Variants in SNRNP200 observed in about 807,000 individuals in gnomAD.
The protein encoded by SNRNP200 is small nuclear ribonucleoprotein U5 subunit 200, also known as U5 small nuclear ribonucleoprotein 200 kDa helicase.
In SNRNP200, 66 loss-of-function variants were observed where a neutral mutation model predicts 255.2. The ratio of observed to expected loss-of-function variants is 0.26; its 90% CI spans 0.21 to 0.32. SNRNP200 has a LOEUF of 0.32. Ranked by LOEUF, SNRNP200 falls within the 10% of genes least tolerant of loss-of-function variation. The pLI, the probability that SNRNP200 is intolerant of heterozygous loss-of-function variation, is 1.00. For synonymous variants in SNRNP200, 939 were observed against 1,027.8 expected (o/e 0.91, Z 1.65); for missense variants, 1,585 against 2,749.8 (o/e 0.58, Z 9.47).
Position 96,274,998 on chromosome 2 carries a change from A to G in SNRNP200, c.*14T>C. ...GCTCAACTCTCCTTTACCCAAAAGT[A>G]AATGCCTCAGGACTCAATCTGAATC... On this transcript the variant is annotated 3_prime_UTR_variant, in exon 45 of 45. Transcript: ENST00000323853. 1 of 1,613,576 alleles carries G rather than the reference A, an allele frequency of 6.2e-7. No homozygotes were observed. The highest frequency in any genetic ancestry group is 8.5e-7 in the Non-Finnish European group (1 of 1,179,976).
At chr2:96,300,100 G>A (rs1215888588) in intron 5 of SNRNP200, among the ~76,000 whole-genome samples, 4 of 152,074 alleles carry the variant, frequency 2.6e-5, no homozygotes, top group African/African-American at 4.8e-5. Flanking sequence ...CTCCCCGTGC[G>A]ACCCCTTCTT....
Position 96,286,681 on chromosome 2 carries a change from C to G in SNRNP200, c.3829+7G>C. On this transcript the variant is annotated splice_region_variant and intron_variant, in intron 28 of 44. Transcript: ENST00000323853. This position sits in a 1 kb window ranked among gnomAD's most constrained non-coding sequence, Gnocchi z 4.8. ...GTTCCTGGGGACTCTGGAGAGGAGA[C>G]ACTCACAGAGCCAGCGGTCAGACAC... The G allele has an allele frequency of 6.2e-7, 1 of 1,613,040 alleles. No homozygotes were observed. Among genetic ancestry groups the G allele is most frequent in the Non-Finnish European group, 8.5e-7 (1 of 1,179,918 alleles).
At position 96,287,896 on chromosome 2, in the gene SNRNP200, G is replaced by T. The variant is rs2063853169; in HGVS notation, c.3332C>A (p.Thr1111Asn). Residue 1111 changes from threonine (T) to asparagine (N), a missense_variant, in exon 25 of 45, where the codon ACC becomes AAC. By Grantham distance (65) the Thr-to-Asn change is moderately conservative. Transcript: ENST00000323853. The surrounding 1 kb of genome is among the most constrained non-coding windows in gnomAD (Gnocchi z 5.7). ...GTCGATCATCTTGCAGAGGTTCAGG[G>T]TCTTGTCTGTAAGCTGTGCCCAACC... ...NRGWAQLTDKTLNLCKMIDKR... is the reference protein window; with the variant it reads ...NRGWAQLTDKNLNLCKMIDKR... 6.2e-7 allele frequency: 1 copy of T among 1,614,088 alleles called. No individual in the cohort carries two copies. Among genetic ancestry groups the T allele is most frequent in the Admixed American group, 1.7e-5 (1 of 60,002 alleles).
intron 23 of SNRNP200, 41 bp from the exon 24 acceptor site, chr2:96,288,787 G>C: frequency 6.5e-7 from 1 of 1,530,612 alleles, no homozygotes; most frequent in Non-Finnish European, 9.1e-7. Flanking sequence ...ACCAATCACT[G>C]AACAGTCCAA....
rs1224886249 is a variant in SNRNP200, at chr2:96,287,161, C to G, written c.3485-1G>C. ...ATCTTTGGCATGCGGATAAGCTCCCCTACAAGGAAATGAGAGTACTGAGGC... is the reference window on the plus strand; with the variant it reads ...ATCTTTGGCATGCGGATAAGCTCCCGTACAAGGAAATGAGAGTACTGAGGC... On this transcript the variant is annotated splice_acceptor_variant, in intron 26 of 44. Coordinates refer to ENST00000323853, the MANE Select transcript of SNRNP200 (RefSeq NM_014014.5). LOFTEE classifies it high-confidence loss of function. This position sits in a 1 kb window ranked among gnomAD's most constrained non-coding sequence, Gnocchi z 5.7. 6.2e-7 allele frequency: 1 copy of G among 1,614,210 alleles called. No homozygotes were observed.
At chr2:96,276,319 T>A (rs1299666376) in intron 43 of SNRNP200, 1 of 155,902 alleles carries the variant, frequency 6.4e-6, no homozygotes, top group Non-Finnish European at 1.4e-5. Context: ...AAAGCCCAAG[T>A]GTCCTGCAGC....
Position 96,275,134 on chromosome 2 carries a change from G to C in SNRNP200, c.6289C>G (p.Pro2097Ala). ...KAKVKLDFVAPATGAHNYTLY... is the reference protein window; with the variant it reads ...KAKVKLDFVAAATGAHNYTLY... ...GTGTAGTTGTGGGCACCAGTGGCTGGGGCCACAAAGTCCAACTTCACCTAG... is the reference window on the plus strand; with the variant it reads ...GTGTAGTTGTGGGCACCAGTGGCTGCGGCCACAAAGTCCAACTTCACCTAG... The change falls in exon 45 of 45, where the codon CCA (proline) becomes GCA (alanine). Residue 2097 changes from proline (P) to alanine (A), a missense_variant. By Grantham distance (27) the Pro-to-Ala change is conservative. Coordinates refer to ENST00000323853, the MANE Select transcript of SNRNP200 (RefSeq NM_014014.5). 1 of 1,614,186 alleles carries C rather than the reference G, an allele frequency of 6.2e-7. No individual in the cohort carries two copies. Among genetic ancestry groups the C allele is most frequent in the Non-Finnish European group, 8.5e-7 (1 of 1,180,040 alleles).
chr2:96,293,167 G>T lies in SNRNP200; in HGVS notation c.2037-72C>A. ...GTGGGAATAAACAGTCTTTTTCACT[G>T]CCCCAAGAGCAATATTCCTCCTTTA... On this transcript the variant is annotated intron_variant, in intron 15 of 44. Coordinates refer to ENST00000323853, the MANE Select transcript of SNRNP200 (RefSeq NM_014014.5). 2.5e-6 allele frequency: 4 copies of T among 1,597,350 alleles called. No individual in the cohort carries two copies. The South Asian group carries it at 4.4e-5, about 18-fold the overall frequency.
intron 36 of SNRNP200, 50 bp downstream of exon 36, chr2:96,279,401 A>C: frequency 8.6e-7 from 1 of 1,159,958 alleles, no homozygotes. Context: ...AGATTAAAGA[A>C]TCCATTCTGA....
At chr2:96,284,743 CT>C (rs2063832503) in intron 30 of SNRNP200, 158 bp from the exon 31 acceptor site, 1 of 617,282 alleles carries the variant, frequency 1.6e-6, no homozygotes. Context: ...GATGGGGCAG[CT>C]TTTTCTTTTT....
chr2:96,300,937 G>C, intron 5 of SNRNP200, 61 bp downstream of exon 5: 2 of 1,363,146 alleles, frequency 1.5e-6, no homozygotes, highest in Non-Finnish European at 2.1e-6. Flanking sequence ...ACACTAGAAG[G>C]GGTCCCTTTA....
At chr2:96,293,604 T>C (rs2063898609) in intron 14 of SNRNP200, 95 bp from the exon 15 acceptor site, 2 of 1,182,412 alleles carry the variant, frequency 1.7e-6, no homozygotes, top group East Asian at 2.3e-5. Flanking sequence ...TAACCTAATA[T>C]GCCTAAGAAA....
At chr2:96,281,981 A>C in intron 34 of SNRNP200, 59 bp from the exon 35 acceptor site, 2 of 1,325,114 alleles carry the variant, frequency 1.5e-6, no homozygotes, top group South Asian at 1.2e-5. Flanking sequence ...AAGTAGGCTC[A>C]CTGCCTCATG....
rs1292119110 is a variant in SNRNP200 at position 96,298,225 on chromosome 2, G to A, written c.1119+59C>T. 5 of 1,610,024 alleles carry A rather than the reference G, an allele frequency of 3.1e-6. No homozygotes were observed. In the South Asian group the frequency reaches 3.3e-5, roughly 11 times the overall value. On this transcript the variant is annotated intron_variant, in intron 9 of 44. Transcript: ENST00000323853. The stretch of plus-strand genomic sequence containing the variant: ...TTTAACATGAATTTAGCTTCATGCT[G>A]CAATCTTCTAGCCACCGTTAGCTCA...
chr2:96,299,274 G>A (rs781593018), intron 6 of SNRNP200, 55 bp downstream of exon 6: 2 of 1,492,674 alleles, frequency 1.3e-6, no homozygotes, highest in Non-Finnish European at 9.3e-7. Context: ...TGGGGAAGAA[G>A]CACTAACACC....
At position 96,276,995 on chromosome 2, in the gene SNRNP200, G is replaced by GA; in HGVS notation, c.6093-11dup. ...CACAACTGGCCCGCCACTGCAGGGGGAGAGGAGGGGCGCACGTCAGTGATG... is the reference window on the plus strand; with the variant it reads ...CACAACTGGCCCGCCACTGCAGGGGGAAGAGGAGGGGCGCACGTCAGTGATG... On this transcript the variant is annotated splice_polypyrimidine_tract_variant and intron_variant, in intron 42 of 44. Transcript: ENST00000323853. 3 of 1,614,130 alleles carry GA rather than the reference G, an allele frequency of 1.9e-6. No homozygotes were observed. Among genetic ancestry groups the GA allele is most frequent in the Non-Finnish European group, 2.5e-6 (3 of 1,180,030 alleles).
rs376498861 is a variant in SNRNP200, at chr2:96,286,782, G to A, written c.3735C>T (p.Tyr1245=). The A allele has an allele frequency of 1.8e-4, 293 of 1,614,048 alleles. No homozygotes were observed. Among genetic ancestry groups the A allele is most frequent in the Non-Finnish European group, 2.3e-4 (272 of 1,180,036 alleles). ...ATGTAATGAGGTGCTCGTCCTGGGC[G>A]TACTTGGCCTTGAGGAGAAAATACT... ...HHEYFLLKAK[Y]AQDEHLITFF... Residue 1245 remains tyrosine, a synonymous_variant, in exon 28 of 45, where the codon TAC becomes TAT. Coordinates refer to ENST00000323853, the MANE Select transcript of SNRNP200 (RefSeq NM_014014.5). This position sits in a 1 kb window ranked among gnomAD's most constrained non-coding sequence, Gnocchi z 4.8.
rs182637595 is a variant in SNRNP200, at chr2:96,284,008, G to A, written c.4393-4C>T. On this transcript the variant is annotated splice_region_variant and splice_polypyrimidine_tract_variant and intron_variant, in intron 31 of 44. Transcript: ENST00000323853. ...AGCAGATCACTTCTAAGACAGGCTG[G>A]AAAGAGGGAGGGAGGGAGGGTCACT... is the stretch of plus-strand genomic sequence containing the variant. 2 of 749,878 alleles carry A rather than the reference G, an allele frequency of 2.7e-6. No homozygotes were observed. Among genetic ancestry groups the A allele is most frequent in the Admixed American group, 4.2e-5 (2 of 47,086 alleles). 46.5% of individuals were successfully genotyped at this position (749,878 alleles called of 1,614,324 possible). A position where few individuals can be genotyped will look rare whatever the true frequency, so the allele number is the denominator to read the frequency against.
At chr2:96,295,760 A>T in intron 13 of SNRNP200, 102 bp from the exon 14 acceptor site, 1 of 1,217,118 alleles carries the variant, frequency 8.2e-7, no homozygotes, top group South Asian at 1.3e-5. Flanking sequence ...AGCAGGTATC[A>T]ACCCATCAGG....
Sources: gnomAD v4.1 joint callset for allele counts (sites outside exome capture counted in the v4.1 genomes callset) on GRCh38, gnomAD v4.1.1 for gene constraint, Gnocchi (gnomAD v3.1) non-coding constraint, MANE v1.5 for transcripts, NCBI Gene and HGNC (gene_info 2026-07-23, HGNC 2026-07-21) for gene names.